Variants in CDH12 observed in about 807,000 individuals in gnomAD.
CDH12 encodes the protein cadherin-12.
CDH12 carries 41 observed loss-of-function variants against 74.1 expected under a neutral mutation model. The ratio of observed to expected loss-of-function variants is 0.55; its 90% CI spans 0.43 to 0.72. The LOEUF is 0.72. Among genes scored for constraint, CDH12 ranks in the 30% least tolerant of loss-of-function variants. CDH12 has a pLI of 0.00. For synonymous variants in CDH12, 399 were observed against 355.0 expected (o/e 1.12, Z -1.39); for missense variants, 945 against 977.2 (o/e 0.97, Z 0.44).
Position 21,854,688 on chromosome 5 carries a change from G to C in CDH12, c.629C>G (p.Ser210Cys). The C allele has an allele frequency of 6.7e-7, 1 of 1,485,112 alleles. No homozygotes were observed. The highest frequency in any genetic ancestry group is 9.2e-7 in the Non-Finnish European group (1 of 1,087,468). 92.0% of individuals were successfully genotyped at this position (1,485,112 alleles called of 1,614,324 possible). A position where few individuals can be genotyped will look rare whatever the true frequency, so the allele number is the denominator to read the frequency against. ...AAATTTACCTGTCTTGGGATCAATA[G>C]AGAAATAAGGTTGTCCCTGAAGAAT... Reference protein sequence around the residue: ...YSILQGQPYFSIDPKTGVIRT... With the variant: ...YSILQGQPYFCIDPKTGVIRT... The change falls in exon 7 of 15, where the codon TCT becomes TGT. Residue 210 changes from serine to cysteine, a missense_variant. This residue lies in a region of CDH12 where 791 missense variants were observed against 792.8 expected (regional missense o/e 1.00). Transcript: ENST00000382254.
chr5:22,682,634 A>C (rs1482330464), intron 1 of CDH12, among the ~76,000 whole-genome samples: 2 of 152,036 alleles, frequency 1.3e-5, no homozygotes, highest in Non-Finnish European at 2.9e-5. Context: ...TGTCTGTCTA[A>C]AGTGGAATTA....
In CDH12 at chr5:22,337,797, T is replaced by C. The variant is rs960119835; in HGVS notation, c.-333+67460A>G. Among the ~76,000 whole-genome samples the C allele has an allele frequency of 5.9e-5, 9 of 152,180 alleles. No individual in the cohort carries two copies. The East Asian group carries it at 1.7e-3, about 29-fold the overall frequency. Reference sequence around the variant, plus strand: ...ATTTCTCAAAAGAACATATACAATTTGCAAACAGGTATATGAAAAGGTTCT... The same window carrying C: ...ATTTCTCAAAAGAACATATACAATTCGCAAACAGGTATATGAAAAGGTTCT... On this transcript the variant is annotated intron_variant, in intron 3 of 14. Transcript: ENST00000382254.
At chr5:22,056,786 C>T (rs1180398379) in intron 5 of CDH12, among the ~76,000 whole-genome samples, 1 of 152,104 alleles carries the variant, frequency 6.6e-6, no homozygotes, top group African/African-American at 2.4e-5. Context: ...CCCATGATAA[C>T]CTTATGGTTT....
chr5:21,799,741 A>G (rs2149919492), intron 10 of CDH12, among the ~76,000 whole-genome samples: 1 of 152,312 alleles, frequency 6.6e-6, no homozygotes, highest in East Asian at 1.9e-4. Context: ...ATTTGATGTC[A>G]CCAGGCTTGT....
At chr5:22,783,911 C>T (rs571181736) in intron 1 of CDH12, among the ~76,000 whole-genome samples, 2 of 151,938 alleles carry the variant, frequency 1.3e-5, no homozygotes, top group African/African-American at 4.8e-5. Context: ...TGCTTTTTTT[C>T]CCATCAGAAC....
At chr5:21,998,467 C>T (rs868743075) in intron 5 of CDH12, among the ~76,000 whole-genome samples, 2 of 151,922 alleles carry the variant, frequency 1.3e-5, no homozygotes, top group African/African-American at 2.4e-5. Flanking sequence ...GTTGAGTTTA[C>T]GTAGTACAGA....
intron 1 of CDH12, among the ~76,000 whole-genome samples, chr5:22,835,778 T>C (rs531183037): frequency 2.0e-5 from 3 of 152,214 alleles, no homozygotes; most frequent in Admixed American, 6.5e-5. Flanking sequence ...TCCAGAAAGC[T>C]GTCCTCAATG....
chr5:22,354,487 T>C (rs929477480), intron 3 of CDH12, among the ~76,000 whole-genome samples: 1 of 152,150 alleles, frequency 6.6e-6, no homozygotes, highest in Admixed American at 6.5e-5. Context: ...ACACATAAAT[T>C]AGAAACTCCT....
intron 4 of CDH12, chr5:22,151,885 T>G (rs956461175): frequency 6.6e-6 from 1 of 152,266 alleles, no homozygotes; most frequent in South Asian, 2.1e-4. Context: ...TGTCAACTTT[T>G]GAAAACAGAT....
intron 6 of CDH12, among the ~76,000 whole-genome samples, chr5:21,857,573 A>C (rs1441555762): frequency 2.0e-5 from 3 of 151,878 alleles, no homozygotes; most frequent in African/African-American, 7.2e-5. Context: ...ACTGTCACTC[A>C]AAGGGAATAA....
intron 5 of CDH12, among the ~76,000 whole-genome samples, chr5:21,985,426 T>G (rs1374705187): frequency 6.6e-6 from 1 of 152,152 alleles, no homozygotes; most frequent in Admixed American, 6.6e-5. Flanking sequence ...GATATGTTTC[T>G]TGTACAGGAT....
At chr5:21,950,566 GA>G (rs1426468530) in intron 6 of CDH12, among the ~76,000 whole-genome samples, 2 of 150,868 alleles carry the variant, frequency 1.3e-5, no homozygotes, top group African/African-American at 4.9e-5. Flanking sequence ...AATCAAAAAC[GA>G]AAAAACATGG....
intron 3 of CDH12, among the ~76,000 whole-genome samples, chr5:22,311,596 G>C (rs1392107747): frequency 6.6e-6 from 1 of 151,590 alleles, no homozygotes; most frequent in African/African-American, 2.4e-5. Context: ...CAGCTACTCA[G>C]GAGGCTGAGG....
chr5:22,109,063 GA>G (rs1744669126), intron 4 of CDH12, among the ~76,000 whole-genome samples: 2 of 152,192 alleles, frequency 1.3e-5, no homozygotes, highest in East Asian at 3.9e-4. Context: ...TAAAGGGTGT[GA>G]AAAAATACTA....
chr5:22,350,206 C>T (rs1740301766), intron 3 of CDH12, among the ~76,000 whole-genome samples: 2 of 152,124 alleles, frequency 1.3e-5, no homozygotes, highest in African/African-American at 2.4e-5. Context: ...TTCTATTCAA[C>T]AAATTATATA....
intron 2 of CDH12, among the ~76,000 whole-genome samples, chr5:22,432,754 T>G (rs1744226896): frequency 6.6e-6 from 1 of 152,176 alleles, no homozygotes. Context: ...TTTTCAATAT[T>G]CCAAAGTGAT....
At chr5:21,968,115 AGAGAAAACTT>A (rs1756670049) in intron 6 of CDH12, among the ~76,000 whole-genome samples, 1 of 152,194 alleles carries the variant, frequency 6.6e-6, no homozygotes, top group Admixed American at 6.6e-5. Flanking sequence ...TGTCAGATGG[AGAGAAAACTT>A]GAGAAAAGGG....
intron 1 of CDH12, among the ~76,000 whole-genome samples, chr5:22,716,237 T>C (rs447881): frequency 0.83 from 125,995 of 152,072 alleles, 52,315 homozygotes; most frequent in Non-Finnish European, 0.86. Context: ...AGAATCAGTG[T>C]GAAGAGAGGA....
intron 3 of CDH12, among the ~76,000 whole-genome samples, chr5:22,307,142 T>C (rs969729394): frequency 6.6e-6 from 1 of 152,150 alleles, no homozygotes; most frequent in Admixed American, 6.5e-5. Flanking sequence ...CAGATGACTT[T>C]AATGAGATTT....
Sources: allele counts gnomAD v4.1 joint callset (sites outside exome capture counted in the v4.1 genomes callset), GRCh38; gene constraint gnomAD v4.1.1; regional missense constraint gnomAD v4.1.1; transcripts MANE v1.5; gene names NCBI Gene and HGNC (gene_info 2026-07-23, HGNC 2026-07-21).